The following PHF24 variants were observed in gnomAD, a reference collection of about 807,000 sequenced individuals.
PHF24 encodes Galpha inhibitory interacting protein.
Under a neutral mutation model 42.6 loss-of-function variants are expected in PHF24, and 25 were observed. That is an observed-to-expected ratio of 0.59 (90% confidence interval 0.43 to 0.82). The LOEUF (loss-of-function observed/expected upper bound fraction) is 0.82, where lower values mean the gene tolerates loss of function less well. Among genes scored for constraint, PHF24 ranks in the 40% least tolerant of loss-of-function variants. The probability of loss-of-function intolerance (pLI) is 0.00; values close to 1 mark genes in which losing one functional copy is unlikely to be tolerated. For missense variants in PHF24, 470 were observed against 538.1 expected, an observed-to-expected ratio of 0.87 and a Z score of 1.25; for synonymous variants, 185 against 204.8, an observed-to-expected ratio of 0.90 and a Z score of 0.83.
chr9:34,919,846 C>T, the PHF24 span, among the ~76,000 whole-genome samples: 1 of 152,130 alleles, frequency 6.6e-6, no homozygotes, highest in Non-Finnish European at 1.5e-5. Flanking sequence ...AACATAATGT[C>T]CTCCAGTCCA....
At chr9:34,976,580 C>T in exon 5 of PHF24, 1 of 1,614,110 alleles carries the variant, frequency 6.2e-7, no homozygotes, top group Non-Finnish European at 8.5e-7. Context: ...CGCCACCAAG[C>T]AGCCAAGCGG....
the PHF24 span, among the ~76,000 whole-genome samples, chr9:34,720,833 CA>C: frequency 1.2e-4 from 18 of 152,306 alleles, no homozygotes; most frequent in South Asian, 3.1e-3. Context: ...CAGATATCAG[CA>C]GCAGCTTTGA....
rs1023549305 is a variant in PHF24, at chr9:34,973,709, T to C, written c.564+1178T>C. Reference sequence around the variant, plus strand: ...AGCTATTTTCAGCCACTGAAACACCTGTCCCCATGGAGTACACTGCAGCAG... The same window carrying C: ...AGCTATTTTCAGCCACTGAAACACCCGTCCCCATGGAGTACACTGCAGCAG... On this transcript the variant is annotated intron_variant, in intron 3 of 7. Coordinates refer to ENST00000242315, the Ensembl canonical transcript of PHF24. Among the ~76,000 whole-genome samples the C allele has an allele frequency of 1.9e-4, 29 of 152,222 alleles. 1 individual carries two copies. Among genetic ancestry groups the C allele is most frequent in the Non-Finnish European group, 4.0e-4 (27 of 68,028 alleles).
At chr9:34,828,638 T>G in the PHF24 span, among the ~76,000 whole-genome samples, 1 of 152,248 alleles carries the variant, frequency 6.6e-6, no homozygotes, top group South Asian at 2.1e-4. Context: ...AGAGGATCTC[T>G]ATGTTTTTAA....
chr9:34,866,839 G>A, the PHF24 span, among the ~76,000 whole-genome samples: 1 of 152,004 alleles, frequency 6.6e-6, no homozygotes, highest in South Asian at 2.1e-4. Flanking sequence ...TTCCATTTCT[G>A]TAGACCAACT....
intron 3 of PHF24, among the ~76,000 whole-genome samples, chr9:34,972,870 C>T (rs908049991): frequency 6.1e-5 from 9 of 148,130 alleles, no homozygotes; most frequent in African/African-American, 2.2e-4. Flanking sequence ...GCCGAAATCG[C>T]GCCACTGCAC....
At chr9:34,925,506 A>G in the PHF24 span, among the ~76,000 whole-genome samples, 105 of 152,156 alleles carry the variant, frequency 6.9e-4, no homozygotes, top group Admixed American at 2.2e-3. Flanking sequence ...TGTTTGCTTT[A>G]TAGTGTGCCA....
the PHF24 span, among the ~76,000 whole-genome samples, chr9:34,795,783 G>C: frequency 6.6e-6 from 1 of 152,086 alleles, no homozygotes; most frequent in African/African-American, 2.4e-5. Context: ...AATCATCTGA[G>C]CCCAGGAGTT....
the PHF24 span, among the ~76,000 whole-genome samples, chr9:34,713,696 T>G: frequency 6.6e-6 from 1 of 152,206 alleles, no homozygotes; most frequent in Non-Finnish European, 1.5e-5. Context: ...TTGGAGTTTA[T>G]TATGGTATAT....
the PHF24 span, among the ~76,000 whole-genome samples, chr9:34,873,520 T>C: frequency 2.0e-5 from 3 of 151,836 alleles, no homozygotes; most frequent in South Asian, 2.1e-4. Flanking sequence ...GTTGTAGATA[T>C]GCGGCATTAT....
At chr9:34,766,190 C>G in the PHF24 span, among the ~76,000 whole-genome samples, 1 of 152,154 alleles carries the variant, frequency 6.6e-6, no homozygotes, top group African/African-American at 2.4e-5. Flanking sequence ...TAGAGTTGCT[C>G]TTCTCGAATG....
the PHF24 span, among the ~76,000 whole-genome samples, chr9:34,769,546 A>G: frequency 6.6e-6 from 1 of 152,300 alleles, no homozygotes; most frequent in South Asian, 2.1e-4. Flanking sequence ...TTCTCTGGTT[A>G]GGGGGCCCAA....
chr9:34,693,961 T>C, the PHF24 span, among the ~76,000 whole-genome samples: 2 of 152,044 alleles, frequency 1.3e-5, no homozygotes, highest in Non-Finnish European at 2.9e-5. Flanking sequence ...GTTTTGTTTA[T>C]CCAGAACAGG....
At chr9:34,879,382 A>C in the PHF24 span, among the ~76,000 whole-genome samples, 1 of 152,234 alleles carries the variant, frequency 6.6e-6, no homozygotes, top group African/African-American at 2.4e-5. Context: ...TGAGAGAAGA[A>C]GGCTTCAGAT....
the PHF24 span, among the ~76,000 whole-genome samples, chr9:34,947,257 G>T: frequency 6.6e-6 from 1 of 152,116 alleles, no homozygotes; most frequent in African/African-American, 2.4e-5. Context: ...TGATGTTTTG[G>T]TCAGTGGTGG....
the PHF24 span, among the ~76,000 whole-genome samples, chr9:34,935,161 C>T: frequency 6.6e-6 from 1 of 152,096 alleles, no homozygotes; most frequent in Non-Finnish European, 1.5e-5. Context: ...GTTAATGGTA[C>T]CTGGAGGACA....
the PHF24 span, chr9:34,837,523 A>C: frequency 1.5e-6 from 1 of 647,340 alleles, no homozygotes; most frequent in East Asian, 2.9e-5. Flanking sequence ...CACCCATGGA[A>C]GTTTCAGTCT....
chr9:34,794,287 A>G, the PHF24 span, among the ~76,000 whole-genome samples: 2,407 of 152,294 alleles, frequency 0.016, 56 homozygotes, highest in East Asian at 0.092. Context: ...CACAGTTCAC[A>G]GAAGGCTAGC....
the PHF24 span, among the ~76,000 whole-genome samples, chr9:34,910,005 C>G: frequency 6.6e-6 from 1 of 152,150 alleles, no homozygotes; most frequent in African/African-American, 2.4e-5. Context: ...AGAAGACACC[C>G]CTCCTTCATT....
Sources: allele counts gnomAD v4.1 joint callset (sites outside exome capture counted in the v4.1 genomes callset), GRCh38; gene constraint gnomAD v4.1.1; transcripts MANE v1.5; gene names NCBI Gene and HGNC (gene_info 2026-07-23, HGNC 2026-07-21).